Variants in SH3KBP1 observed in about 807,000 individuals in gnomAD.
SH3KBP1 encodes the protein SH3 domain-containing kinase-binding protein 1.
Under a neutral mutation model 50.1 loss-of-function variants are expected in SH3KBP1, and 8 were observed. The observed-to-expected ratio is 0.16, with a 90% CI of 0.09 to 0.29. SH3KBP1 has a LOEUF of 0.29. SH3KBP1 is among the 10% of genes least tolerant of loss of function. The pLI is 1.00. For missense variants in SH3KBP1, 377 were observed against 535.2 expected, an observed-to-expected ratio of 0.70 and a Z score of 2.92; for synonymous variants, 227 against 218.6, an observed-to-expected ratio of 1.04 and a Z score of -0.34.
chrX:19,756,603 T>C (rs1295806433), intron 2 of SH3KBP1, among the ~76,000 whole-genome samples: 3 of 111,692 alleles, frequency 2.7e-5, no homozygotes, highest in South Asian at 7.4e-4. Context: ...TTGACAACTG[T>C]CTATCAAAAA....
chrX:19,722,773 A>G (rs1381654231), intron 3 of SH3KBP1, among the ~76,000 whole-genome samples: 2 of 108,299 alleles, frequency 1.8e-5, no homozygotes, highest in African/African-American at 3.4e-5. Flanking sequence ...GAAGGACCCT[A>G]TGGTCAGCAT....
chrX:19,555,259 C>T, intron 13 of SH3KBP1, among the ~76,000 whole-genome samples: 1 of 112,406 alleles, frequency 8.9e-6, no homozygotes. Context: ...TCTCTGCAGA[C>T]ATACGGGGAT....
At chrX:19,871,880 C>A (rs2147538785) in intron 1 of SH3KBP1, among the ~76,000 whole-genome samples, 1 of 111,282 alleles carries the variant, frequency 9.0e-6, no homozygotes, top group East Asian at 2.8e-4. Flanking sequence ...CATGAAGTCA[C>A]ATGGATGGCT....
intron 1 of SH3KBP1, among the ~76,000 whole-genome samples, chrX:19,841,108 A>G (rs1041144446): frequency 8.9e-6 from 1 of 112,005 alleles, no homozygotes; most frequent in Non-Finnish European, 1.9e-5. Flanking sequence ...TGGGTTGGCT[A>G]AGCCAGCTGC....
At chrX:19,695,936 C>G (rs1365371453) in intron 4 of SH3KBP1, among the ~76,000 whole-genome samples, 195 bp from the exon 5 acceptor site, 1 of 111,310 alleles carries the variant, frequency 9.0e-6, no homozygotes, top group Non-Finnish European at 1.9e-5. Flanking sequence ...GGGGTGTTTA[C>G]CTGGGATCCA....
At chrX:19,814,268 C>T (rs1026858865) in intron 2 of SH3KBP1, among the ~76,000 whole-genome samples, 8 of 111,354 alleles carry the variant, frequency 7.2e-5, no homozygotes, top group Non-Finnish European at 1.5e-4. Context: ...CCCCTGTATT[C>T]CTGCAAAGGG....
chrX:19,572,461 A>G (rs1004087418), intron 12 of SH3KBP1, among the ~76,000 whole-genome samples: 11 of 106,935 alleles, frequency 1.0e-4, no homozygotes, highest in African/African-American at 3.7e-4. Flanking sequence ...TATATATAGT[A>G]CATATATACT....
intron 6 of SH3KBP1, among the ~76,000 whole-genome samples, chrX:19,665,146 GACGTT>G (rs765771945): frequency 4.4e-5 from 5 of 112,362 alleles, no homozygotes; most frequent in Non-Finnish European, 9.4e-5. Context: ...AGACTGAGCA[GACGTT>G]ACCAAAACAA....
At chrX:19,880,626 G>A (rs1334595957) in intron 1 of SH3KBP1, among the ~76,000 whole-genome samples, 9 of 112,464 alleles carry the variant, frequency 8.0e-5, no homozygotes, top group African/African-American at 9.7e-5. Flanking sequence ...GTGGGAGGCT[G>A]AACAATGACT....
In SH3KBP1 at chrX:19,569,266, C is replaced by T. The variant is rs750863576; in HGVS notation, c.1299-78G>A. ...ATTCTGTCAGTTTTCTTGCTGCACA[C>T]GTTAAGGAGTGTGCTGGTGTGGAGT... On this transcript the variant is annotated intron_variant, in intron 12 of 17. Transcript: ENST00000397821. The T allele has an allele frequency of 7.9e-5, 71 of 902,406 alleles. No individual in the cohort carries two copies. In the Admixed American group the frequency reaches 8.4e-4, roughly 11 times the overall value. 74.4% of individuals were successfully genotyped at this position (902,406 alleles called of 1,213,427 possible).
intron 4 of SH3KBP1, among the ~76,000 whole-genome samples, chrX:19,702,742 CCTT>C (rs1412135502): frequency 8.9e-6 from 1 of 111,785 alleles, no homozygotes; most frequent in Admixed American, 9.4e-5. Flanking sequence ...ATTCCAGGGG[CCTT>C]CAAATGCCAT....
intron 8 of SH3KBP1, among the ~76,000 whole-genome samples, chrX:19,622,769 C>T (rs1005264041): frequency 2.7e-5 from 3 of 112,084 alleles, no homozygotes; most frequent in Admixed American, 9.4e-5. Context: ...AGGGCCAGGC[C>T]GAGTGGCTCA....
chrX:19,659,263 C>T (rs372087419), intron 6 of SH3KBP1, among the ~76,000 whole-genome samples: 9 of 108,854 alleles, frequency 8.3e-5, no homozygotes, highest in African/African-American at 2.0e-4. Context: ...TACAGGTGCC[C>T]GCCACCACGC....
At chrX:19,660,953 G>A (rs1192520017) in intron 6 of SH3KBP1, among the ~76,000 whole-genome samples, 1 of 112,646 alleles carries the variant, frequency 8.9e-6, no homozygotes, top group Non-Finnish European at 1.9e-5. Flanking sequence ...AAAGCCACTA[G>A]TGGAAATAGC....
At chrX:19,870,145 A>G (rs2069001306) in intron 1 of SH3KBP1, among the ~76,000 whole-genome samples, 1 of 112,456 alleles carries the variant, frequency 8.9e-6, no homozygotes, top group South Asian at 3.6e-4. Context: ...TTATAAAACT[A>G]AAAACAAGCA....
At chrX:19,574,181 T>C (rs5909125) in intron 12 of SH3KBP1, among the ~76,000 whole-genome samples, 34,768 of 110,145 alleles carry the variant, frequency 0.32, 5,492 homozygotes, top group African/African-American at 0.62. Flanking sequence ...CAGAGATCCA[T>C]CTCTCTTCCT....
At chrX:19,826,883 A>C (rs779811408) in intron 2 of SH3KBP1, among the ~76,000 whole-genome samples, 282 of 111,974 alleles carry the variant, frequency 2.5e-3, no homozygotes, top group Middle Eastern at 4.6e-3. Context: ...AAAGAGGTCC[A>C]TGTCAGGGTC....
At chrX:19,741,663 G>A (rs2064774368) in intron 3 of SH3KBP1, among the ~76,000 whole-genome samples, 1 of 111,745 alleles carries the variant, frequency 8.9e-6, no homozygotes, top group Non-Finnish European at 1.9e-5. Flanking sequence ...GTAAATACAA[G>A]ACACATCCCC....
At chrX:19,680,965 C>T (rs775218723) in intron 6 of SH3KBP1, among the ~76,000 whole-genome samples, 3 of 111,926 alleles carry the variant, frequency 2.7e-5, no homozygotes, top group South Asian at 3.7e-4. Flanking sequence ...TACACGAATG[C>T]GTACACACAC....
Sources: gnomAD v4.1 joint callset for allele counts (sites outside exome capture counted in the v4.1 genomes callset) on GRCh38, gnomAD v4.1.1 for gene constraint, MANE v1.5 for transcripts, NCBI Gene and HGNC (gene_info 2026-07-23, HGNC 2026-07-21) for gene names.